The following EEFSEC variants were observed in gnomAD, a reference collection of about 807,000 sequenced individuals.
EEFSEC encodes selenocysteine-specific elongation factor.
EEFSEC carries 43 observed loss-of-function variants against 42.1 expected under a neutral mutation model. The ratio of observed to expected loss-of-function variants is 1.02; its 90% CI spans 0.80 to 1.32. The LOEUF (loss-of-function observed/expected upper bound fraction) is 1.32. EEFSEC is among the 40% of genes most tolerant of loss of function. The pLI, the probability that EEFSEC is intolerant of heterozygous loss-of-function variation, is 0.00. For missense variants in EEFSEC, 745 were observed against 803.6 expected (o/e 0.93, Z 0.88); for synonymous variants, 354 against 339.1 (o/e 1.04, Z -0.48).
At chr3:128,276,486 G>T (rs2066469622) in intron 4 of EEFSEC, among the ~76,000 whole-genome samples, 2 of 152,182 alleles carry the variant, frequency 1.3e-5, no homozygotes, top group African/African-American at 4.8e-5. Context: ...ACCTCTCTGA[G>T]CCTCAGCTTC....
At chr3:128,320,538 T>C (rs2066996109) in intron 4 of EEFSEC, among the ~76,000 whole-genome samples, 2 of 152,212 alleles carry the variant, frequency 1.3e-5, no homozygotes, top group African/African-American at 4.8e-5. Flanking sequence ...GTCACGTAGC[T>C]AATATGAAGG....
rs572548098 is a variant in EEFSEC, at chr3:128,189,035, G to C, written c.316+35212G>C. 1.3e-5 allele frequency among the ~76,000 whole-genome samples: 2 copies of C among 151,942 alleles called. 1 individual carries two copies. Among genetic ancestry groups the C allele is most frequent in the Non-Finnish European group, 2.9e-5 (2 of 67,870 alleles). On this transcript the variant is annotated intron_variant, in intron 1 of 6. Transcript: ENST00000254730. ...CCTCGGTGCCCAGTACCTTTACATG[G>C]GGGGGGCTCCCAAAGTTGGATACTT...
intron 4 of EEFSEC, among the ~76,000 whole-genome samples, chr3:128,302,936 T>C (rs963522760): frequency 1.3e-5 from 2 of 152,184 alleles, no homozygotes; most frequent in Non-Finnish European, 2.9e-5. Context: ...CTGTACCATA[T>C]TATTTAACCA....
At chr3:128,345,344 C>A (rs1323575841) in intron 5 of EEFSEC, among the ~76,000 whole-genome samples, 8 of 152,170 alleles carry the variant, frequency 5.3e-5, no homozygotes, top group African/African-American at 1.9e-4. Flanking sequence ...GCACAGGAGC[C>A]AATCCCCCTG....
At chr3:128,353,353 G>A (rs2067411737) in intron 5 of EEFSEC, among the ~76,000 whole-genome samples, 1 of 152,206 alleles carries the variant, frequency 6.6e-6, no homozygotes, top group African/African-American at 2.4e-5. Flanking sequence ...CCTTCTCAGT[G>A]TGGCAGGGGC....
intron 1 of EEFSEC, among the ~76,000 whole-genome samples, chr3:128,175,572 C>G (rs1043202569): frequency 3.9e-5 from 6 of 152,170 alleles, no homozygotes; most frequent in Non-Finnish European, 8.8e-5. Flanking sequence ...AGGGAGTTCT[C>G]TAGGGGAGGC....
At chr3:128,339,355 A>G (rs2067225112) in intron 4 of EEFSEC, among the ~76,000 whole-genome samples, 1 of 152,028 alleles carries the variant, frequency 6.6e-6, no homozygotes, top group Non-Finnish European at 1.5e-5. Context: ...GTACACCCTG[A>G]CTCGGTAGAC....
intron 6 of EEFSEC, among the ~76,000 whole-genome samples, chr3:128,368,112 A>G (rs1292684660): frequency 6.6e-6 from 1 of 152,222 alleles, no homozygotes; most frequent in African/African-American, 2.4e-5. Flanking sequence ...CAGTCACAGC[A>G]GATGGTGGTT....
At chr3:128,377,831 A>T (rs1441735298) in intron 6 of EEFSEC, among the ~76,000 whole-genome samples, 1 of 152,228 alleles carries the variant, frequency 6.6e-6, no homozygotes, top group Non-Finnish European at 1.5e-5. Flanking sequence ...TACTTCCATC[A>T]GCAGTGGGTG....
At chr3:128,324,470 A>G (rs1430384464) in intron 4 of EEFSEC, among the ~76,000 whole-genome samples, 1 of 152,158 alleles carries the variant, frequency 6.6e-6, no homozygotes, top group Non-Finnish European at 1.5e-5. Context: ...GCACTTGAGG[A>G]TTCCAGGTCC....
At chr3:128,223,173 G>C (rs1378292766) in intron 1 of EEFSEC, among the ~76,000 whole-genome samples, 1 of 152,198 alleles carries the variant, frequency 6.6e-6, no homozygotes, top group Non-Finnish European at 1.5e-5. Flanking sequence ...TAAACACATT[G>C]ATATGCCCAG....
At chr3:128,193,257 A>G (rs1160312487) in intron 1 of EEFSEC, among the ~76,000 whole-genome samples, 2 of 152,204 alleles carry the variant, frequency 1.3e-5, no homozygotes, top group Admixed American at 1.3e-4. Context: ...CACAGGTCCT[A>G]TTGTATAGCC....
downstream of EEFSEC, among the ~76,000 whole-genome samples, chr3:128,411,396 C>T (rs555438714): frequency 2.6e-5 from 4 of 152,368 alleles, no homozygotes; most frequent in African/African-American, 7.2e-5. Context: ...GGGGTGTGGG[C>T]AGGGCAGGGC....
the EEFSEC span, among the ~76,000 whole-genome samples, chr3:128,416,557 G>A: frequency 1.3e-5 from 2 of 152,198 alleles, no homozygotes; most frequent in Non-Finnish European, 2.9e-5. Context: ...CTGCTGGTGA[G>A]GAGAGAGGCT....
At chr3:128,356,026 T>C (rs1467063508) in intron 5 of EEFSEC, among the ~76,000 whole-genome samples, 2 of 152,222 alleles carry the variant, frequency 1.3e-5, no homozygotes, top group Admixed American at 6.5e-5. Context: ...GGGGAGCTCA[T>C]AGGATCTGTC....
the EEFSEC span, among the ~76,000 whole-genome samples, chr3:128,420,148 G>A: frequency 6.6e-6 from 1 of 151,896 alleles, no homozygotes; most frequent in African/African-American, 2.4e-5. Flanking sequence ...AAAACAGACA[G>A]AGAGTCAGAG....
At chr3:128,154,035 A>G in intron 1 of EEFSEC, 1 of 558,938 alleles carries the variant, frequency 1.8e-6, no homozygotes. Flanking sequence ...ATCCAGCAGA[A>G]CCGAGCTGCA....
chr3:128,300,544 A>G (rs1302504977), intron 4 of EEFSEC, among the ~76,000 whole-genome samples: 1 of 12,226 alleles, frequency 8.2e-5, no homozygotes, highest in Non-Finnish European at 1.9e-4. Flanking sequence ...TCTGTCTGAA[A>G]AAAAAAAAAA....
chr3:128,299,467 A>G (rs915253232), intron 4 of EEFSEC, among the ~76,000 whole-genome samples: 1 of 152,174 alleles, frequency 6.6e-6, no homozygotes, highest in Non-Finnish European at 1.5e-5. Flanking sequence ...TGAGTTCCTT[A>G]TACAGTCTGG....
Sources: allele counts gnomAD v4.1 joint callset (sites outside exome capture counted in the v4.1 genomes callset), GRCh38; gene constraint gnomAD v4.1.1; transcripts MANE v1.5; gene names NCBI Gene and HGNC (gene_info 2026-07-23, HGNC 2026-07-21).